The following WDR35 variants were observed in gnomAD, a reference collection of about 807,000 sequenced individuals.
WDR35 encodes WD repeat domain 35.
A neutral mutation model predicts 158.3 loss-of-function variants in WDR35; 118 were observed. The ratio of observed to expected loss-of-function variants is 0.75; its 90% CI spans 0.64 to 0.87. The LOEUF is 0.87. Ranked by LOEUF, WDR35 falls within the 40% of genes least tolerant of loss-of-function variation. WDR35 has a pLI of 0.00. For missense variants in WDR35, 1,263 were observed against 1,405.8 expected, an observed-to-expected ratio of 0.90 and a Z score of 1.62; for synonymous variants, 448 against 476.1, an observed-to-expected ratio of 0.94 and a Z score of 0.77.
At chr2:19,913,739 C>T in intron 26 of WDR35, 31 bp from the exon 27 acceptor site, 5 of 1,613,710 alleles carry the variant, frequency 3.1e-6, no homozygotes, top group Non-Finnish European at 3.4e-6. Flanking sequence ...ATTCATTATA[C>T]TTTAAAACTT....
At chr2:19,985,317 GCCATCATCCT>G (rs879871857) in intron 2 of WDR35, among the ~76,000 whole-genome samples, 6 of 145,804 alleles carry the variant, frequency 4.1e-5, no homozygotes, top group East Asian at 2.0e-4. Flanking sequence ...CCAACCCAGG[GCCATCATCCT>G]CAAACCCTAC....
intron 22 of WDR35, 21 bp downstream of exon 22, chr2:19,933,380 A>C: frequency 2.5e-6 from 4 of 1,591,136 alleles, no homozygotes; most frequent in Non-Finnish European, 3.5e-6. Context: ...AGCTGCACAG[A>C]CAGAAAGTTT....
intron 25 of WDR35, among the ~76,000 whole-genome samples, chr2:19,923,372 G>C (rs1427698209): frequency 1.3e-5 from 2 of 152,210 alleles, no homozygotes; most frequent in Non-Finnish European, 2.9e-5. Flanking sequence ...AATCCCCGTA[G>C]TGAGTAAGAA....
chr2:19,983,356 T>C (rs1280664484), intron 2 of WDR35, among the ~76,000 whole-genome samples: 1 of 152,128 alleles, frequency 6.6e-6, no homozygotes, highest in Non-Finnish European at 1.5e-5. Flanking sequence ...GGGAGAAAAT[T>C]GCATCAAACA....
intron 25 of WDR35, among the ~76,000 whole-genome samples, chr2:19,925,307 A>G (rs1670323035): frequency 6.6e-6 from 1 of 152,256 alleles, no homozygotes; most frequent in South Asian, 2.1e-4. Flanking sequence ...CCTAGAAAGA[A>G]GCCAGGAGAG....
chr2:19,965,923 T>C (rs940732638), intron 10 of WDR35, among the ~76,000 whole-genome samples: 1 of 152,256 alleles, frequency 6.6e-6, no homozygotes, highest in Admixed American at 6.5e-5. Context: ...GTTTTCTCCC[T>C]GAATGGCTTA....
chr2:19,950,112 C>A (rs947095479), intron 13 of WDR35, among the ~76,000 whole-genome samples: 1 of 152,042 alleles, frequency 6.6e-6, no homozygotes, highest in Non-Finnish European at 1.5e-5. Context: ...AGTGTATTCA[C>A]AGGTTTTTTT....
chr2:19,948,153 G>T lies in WDR35; in HGVS notation c.1524+11C>A, dbSNP rs200213874. 2.7e-3 allele frequency: 4,336 copies of T among 1,601,312 alleles called. 2 individuals carry two copies. Among genetic ancestry groups the T allele is most frequent in the Non-Finnish European group, 3.3e-3 (3,821 of 1,173,756 alleles). ...ATTATTATTCATAAAATAAGTTTTT[G>T]CAAAACTTACCACAATCAATATCTT... On this transcript the variant is annotated intron_variant, in intron 14 of 26. Transcript: ENST00000281405.
chr2:19,931,371 T>C lies in WDR35; in HGVS notation c.2862A>G (p.Leu954=). 1.9e-6 allele frequency: 3 copies of C among 1,613,534 alleles called. No individual in the cohort carries two copies. In the East Asian group the frequency reaches 6.7e-5, roughly 36 times the overall value. Reference sequence around the variant, plus strand: ...ACAGTACATAGAGCTTCTTGACACGTAAAGGTTTACTTCCTTTCTTTGCCT... The same window carrying C: ...ACAGTACATAGAGCTTCTTGACACGCAAAGGTTTACTTCCTTTCTTTGCCT... ...DEEAKKGSKP[L]RVKKLYVLSA... Residue 954 remains leucine (L), a synonymous_variant, in exon 24 of 27, where the codon TTA becomes TTG. Transcript: ENST00000281405.
chr2:19,976,021 G>A (rs574329714), intron 5 of WDR35, among the ~76,000 whole-genome samples: 10 of 152,194 alleles, frequency 6.6e-5, no homozygotes, highest in South Asian at 2.1e-4. Context: ...CACTTTCTGC[G>A]TTGCCCACTA....
At chr2:19,958,540 T>C (rs1355103703) in intron 11 of WDR35, among the ~76,000 whole-genome samples, 1 of 152,252 alleles carries the variant, frequency 6.6e-6, no homozygotes. Context: ...GTACAGTACC[T>C]GAAACAGTAT....
At position 19,969,602 on chromosome 2, in the gene WDR35, G is replaced by C; in HGVS notation, c.886C>G (p.Leu296Val). The change falls in exon 9 of 27, where the codon CTG becomes GTG. Residue 296 changes from leucine to valine, a missense_variant. By Grantham distance (32) the Leu-to-Val change is conservative. Coordinates refer to ENST00000281405, the MANE Select transcript of WDR35 (RefSeq NM_020779.4). Reference sequence around the variant, plus strand: ...TTTCCAGGAACTTTCAAAGTACCCAGATGCTGAAAAAGAAAGTTATCTTTA... The same window carrying C: ...TTTCCAGGAACTTTCAAAGTACCCACATGCTGAAAAAGAAAGTTATCTTTA... ...VQFYTPFGEHLGTLKVPGKEI... is the reference protein window; with the variant it reads ...VQFYTPFGEHVGTLKVPGKEI... 8.1e-6 allele frequency: 13 copies of C among 1,613,502 alleles called. No individual in the cohort carries two copies. The highest frequency in any genetic ancestry group is 1.1e-5 in the Non-Finnish European group (13 of 1,179,848).
At chr2:19,917,067 C>T (rs1351537594) in intron 25 of WDR35, among the ~76,000 whole-genome samples, 5 of 152,208 alleles carry the variant, frequency 3.3e-5, no homozygotes, top group African/African-American at 1.2e-4. Flanking sequence ...ACCTTTGCTG[C>T]TCTGCAGCCT....
intron 25 of WDR35, among the ~76,000 whole-genome samples, chr2:19,929,651 C>T (rs1670467347): frequency 1.3e-5 from 2 of 151,922 alleles, no homozygotes; most frequent in Non-Finnish European, 2.9e-5. Flanking sequence ...TATACAAATA[C>T]CATGGAATAT....
chr2:19,930,415 C>T lies in WDR35; in HGVS notation c.3102G>A (p.Val1034=). 6.2e-7 allele frequency: 1 copy of T among 1,614,112 alleles called. No homozygotes were observed. The highest frequency in any genetic ancestry group is 8.5e-7 in the Non-Finnish European group (1 of 1,180,024). ...GCCCACCTGTCTTCAGTGCAGTGTC[C>T]ACACATCCCTCATAGAGCTGCCTCT... is the stretch of plus-strand genomic sequence containing the variant. ...LAQRQLYEGC[V]DTALKTALHL... Residue 1034 remains valine, a synonymous_variant, in exon 25 of 27, where the codon GTG becomes GTA. Transcript: ENST00000281405.
intron 11 of WDR35, among the ~76,000 whole-genome samples, chr2:19,957,028 T>C (rs1025387959): frequency 6.6e-6 from 1 of 152,196 alleles, no homozygotes; most frequent in African/African-American, 2.4e-5. Context: ...GTAGGCGTTA[T>C]TGTCCTCATT....
At chr2:19,984,001 G>A (rs898864058) in intron 2 of WDR35, among the ~76,000 whole-genome samples, 3 of 124,576 alleles carry the variant, frequency 2.4e-5, no homozygotes, top group African/African-American at 1.0e-4. Flanking sequence ...CCATTCTAAT[G>A]CATATATATA....
chr2:19,981,213 C>T (rs1572367617), intron 3 of WDR35, among the ~76,000 whole-genome samples: 1 of 152,302 alleles, frequency 6.6e-6, no homozygotes, highest in East Asian at 1.9e-4. Flanking sequence ...CACTCGTTTT[C>T]CATTCTATTA....
intron 10 of WDR35, chr2:19,962,213 G>T (rs2103438064): frequency 6.8e-7 from 1 of 1,466,700 alleles, no homozygotes; most frequent in East Asian, 2.3e-5. Flanking sequence ...CCCTCATATT[G>T]CTACAGTTTC....
Sources: gnomAD v4.1 joint callset for allele counts (sites outside exome capture counted in the v4.1 genomes callset) on GRCh38, gnomAD v4.1.1 for gene constraint, MANE v1.5 for transcripts, NCBI Gene and HGNC (gene_info 2026-07-23, HGNC 2026-07-21) for gene names.